Variants in ZNF430 observed in about 807,000 individuals in gnomAD.
The protein encoded by ZNF430 is zinc finger protein 430.
In ZNF430, 35 loss-of-function variants were observed where a neutral mutation model predicts 56.7. That is an observed-to-expected ratio of 0.62 (90% CI 0.47 to 0.82). The LOEUF (loss-of-function observed/expected upper bound fraction) is 0.82. Ranked by LOEUF, ZNF430 falls within the 40% of genes least tolerant of loss-of-function variation. The probability of loss-of-function intolerance (pLI) is 0.00; values close to 1 mark genes in which losing one functional copy is unlikely to be tolerated. For synonymous variants in ZNF430, 212 were observed against 224.3 expected (o/e 0.94, Z 0.49); for missense variants, 574 against 661.0 (o/e 0.87, Z 1.44).
chr19:21,021,687 A>G (rs1160171067), intron 1 of ZNF430, among the ~76,000 whole-genome samples: 1 of 152,060 alleles, frequency 6.6e-6, no homozygotes, highest in East Asian at 1.9e-4. Context: ...ACCGTTATGT[A>G]GTTTCTTAGT....
chr19:21,049,070 A>G (rs1447982416), intron 4 of ZNF430, among the ~76,000 whole-genome samples: 1 of 148,690 alleles, frequency 6.7e-6, no homozygotes, highest in Admixed American at 6.8e-5. Context: ...AGGACATCTG[A>G]GACTGAGGCA....
intron 4 of ZNF430, among the ~76,000 whole-genome samples, chr19:21,041,817 G>A (rs550168535): frequency 3.9e-5 from 6 of 152,242 alleles, no homozygotes; most frequent in South Asian, 4.1e-4. Context: ...TGGTTCAAGC[G>A]ATTCTCCTGC....
At chr19:21,026,096 T>G (rs1237457163) in intron 2 of ZNF430, 1 of 243,878 alleles carries the variant, frequency 4.1e-6, no homozygotes, top group Non-Finnish European at 8.0e-6. Flanking sequence ...ACCAGGATGG[T>G]CTCCGTCTCT....
intron 4 of ZNF430, among the ~76,000 whole-genome samples, chr19:21,041,012 T>C (rs748560368): frequency 2.0e-5 from 3 of 152,220 alleles, no homozygotes; most frequent in Non-Finnish European, 4.4e-5. Context: ...TATAGATTCT[T>C]TTCATTCTAT....
At position 21,056,309 on chromosome 19, in the gene ZNF430, C is replaced by T. The variant is rs1023281481; in HGVS notation, c.323-322C>T. On this transcript the variant is annotated intron_variant, in intron 4 of 4. Coordinates refer to ENST00000261560, the MANE Select transcript of ZNF430 (RefSeq NM_025189.4). ...TTCGAGACCAGACTGGCCAACATGG[C>T]GAAACCCCATCTCTACTAAAAATAC... 3.3e-5 allele frequency among the ~76,000 whole-genome samples: 5 copies of T among 151,896 alleles called. No homozygotes were observed. The South Asian group carries it at 6.2e-4, about 19-fold the overall frequency.
rs1968410886 is a variant in ZNF430, at chr19:21,057,935, T to C, written c.1627T>C (p.Cys543Arg). ...VIHTGEKPYN[C>R]EEYGKAFNQS... Reference sequence around the variant, plus strand: ...TCATACTGGAGAGAAACCCTACAACTGTGAAGAATACGGCAAAGCTTTCAA... The same window carrying C: ...TCATACTGGAGAGAAACCCTACAACCGTGAAGAATACGGCAAAGCTTTCAA... Residue 543 changes from cysteine (C) to arginine (R), a missense_variant, in exon 5 of 5, where the codon TGT (cysteine) becomes CGT (arginine). Coordinates refer to ENST00000261560, the MANE Select transcript of ZNF430 (RefSeq NM_025189.4). 1 of 1,613,566 alleles carries C rather than the reference T, an allele frequency of 6.2e-7. No individual in the cohort carries two copies. The highest frequency in any genetic ancestry group is 8.5e-7 in the Non-Finnish European group (1 of 1,179,838).
At chr19:21,038,221 C>T (rs1172082474) in intron 4 of ZNF430, among the ~76,000 whole-genome samples, 1 of 151,742 alleles carries the variant, frequency 6.6e-6, no homozygotes, top group African/African-American at 2.4e-5. Flanking sequence ...GTATATGATT[C>T]AAAGAAATGA....
chr19:21,044,198 G>T (rs374341575), intron 4 of ZNF430, among the ~76,000 whole-genome samples: 2 of 151,924 alleles, frequency 1.3e-5, no homozygotes, highest in Non-Finnish European at 2.9e-5. Flanking sequence ...TGCCCTTTCG[G>T]TATGATACTG....
chr19:21,028,778 C>G (rs1302570925), intron 2 of ZNF430, among the ~76,000 whole-genome samples: 1 of 152,096 alleles, frequency 6.6e-6, no homozygotes, highest in Non-Finnish European at 1.5e-5. Context: ...CTCCGCCTCC[C>G]GGGTTCAAGT....
Position 21,058,136 on chromosome 19 carries a change from A to G in ZNF430, c.*115A>G. ...ATGGCAAAGCCTTCAACAAGTCCTC[A>G]ATTCTTACCAGACATAAGATAATTC... is the stretch of plus-strand genomic sequence containing the variant. On this transcript the variant is annotated 3_prime_UTR_variant, in exon 5 of 5. Coordinates refer to ENST00000261560, the MANE Select transcript of ZNF430 (RefSeq NM_025189.4). The G allele has an allele frequency of 1.0e-6, 1 of 971,416 alleles. No individual in the cohort carries two copies. The highest frequency in any genetic ancestry group is 1.7e-5 in the South Asian group (1 of 57,722). 60.2% of individuals were successfully genotyped at this position (971,416 alleles called of 1,614,324 possible). A position where few individuals can be genotyped will look rare whatever the true frequency, so the allele number is the denominator to read the frequency against.
In ZNF430 at chr19:21,052,975, A is replaced by G. The variant is rs535552418; in HGVS notation, c.323-3656A>G. Among the ~76,000 whole-genome samples the G allele has an allele frequency of 2.0e-5, 3 of 152,166 alleles. No individual in the cohort carries two copies. In the East Asian group the frequency reaches 5.8e-4, roughly 29 times the overall value. ...CCTGGTTCCTCATAGGCTGACTACT[A>G]TTGGGTCACAGTCTTCCCAGATGTC... On this transcript the variant is annotated intron_variant, in intron 4 of 4. Coordinates refer to ENST00000261560, the MANE Select transcript of ZNF430 (RefSeq NM_025189.4).
chr19:21,056,554 T>C (rs187080608), intron 4 of ZNF430, 77 bp from the exon 5 acceptor site: 225 of 1,105,826 alleles, frequency 2.0e-4, no homozygotes, highest in Non-Finnish European at 2.6e-4. Flanking sequence ...GTTTGTATAA[T>C]TATATGGGTT....
rs1968398824 is a variant in ZNF430 at position 21,057,406 on chromosome 19, T to C, written c.1098T>C (p.Ile366=). 4 of 1,613,432 alleles carry C rather than the reference T, an allele frequency of 2.5e-6. No individual in the cohort carries two copies. In the East Asian group the frequency reaches 8.9e-5, roughly 36 times the overall value. The change falls in exon 5 of 5, where the codon ATT becomes ATC. Residue 366 remains isoleucine, a synonymous_variant. Coordinates refer to ENST00000261560, the MANE Select transcript of ZNF430 (RefSeq NM_025189.4). ...CAACCCTTACTACACATAAGATAAT[T>C]CATGCTGGAGAGAAACCTTACAAAT... The part of the protein sequence containing the change: ...QSSTLTTHKI[I]HAGEKPYKCE...
rs1458117726 is a variant in ZNF430, at chr19:21,058,959, G to A, written c.*938G>A. Reference sequence around the variant, plus strand: ...TCACAGATTTTATTGTACACATTTTGTACTAGAAGAAAACTCTGAAGTAGT... The same window carrying A: ...TCACAGATTTTATTGTACACATTTTATACTAGAAGAAAACTCTGAAGTAGT... On this transcript the variant is annotated 3_prime_UTR_variant, in exon 5 of 5. Transcript: ENST00000261560. 4 of 152,144 alleles carry A rather than the reference G, an allele frequency of 2.6e-5. No homozygotes were observed. Among genetic ancestry groups the A allele is most frequent in the Non-Finnish European group, 5.9e-5 (4 of 68,010 alleles). The allele number at this position is 152,144 out of a possible 1,614,324, so 9.4% of individuals were successfully genotyped here.
intron 4 of ZNF430, among the ~76,000 whole-genome samples, chr19:21,053,213 C>T (rs1251441284): frequency 6.6e-6 from 1 of 151,694 alleles, no homozygotes; most frequent in Non-Finnish European, 1.5e-5. Flanking sequence ...TTGCGGGGAC[C>T]CTGACCTATA....
chr19:21,046,403 A>G (rs1412332635), intron 4 of ZNF430, among the ~76,000 whole-genome samples: 2 of 151,804 alleles, frequency 1.3e-5, no homozygotes, highest in African/African-American at 4.8e-5. Flanking sequence ...GTTATTTTGA[A>G]GACTCTTTGA....
chr19:21,048,490 T>C lies in ZNF430; in HGVS notation c.323-8141T>C, dbSNP rs1461659140. Among the ~76,000 whole-genome samples, 5 of 152,056 alleles carry C rather than the reference T, an allele frequency of 3.3e-5. No homozygotes were observed. The South Asian group carries it at 6.2e-4, about 19-fold the overall frequency. On this transcript the variant is annotated intron_variant, in intron 4 of 4. Coordinates refer to ENST00000261560, the MANE Select transcript of ZNF430 (RefSeq NM_025189.4). ...GACACAGTACATGTTTTAGAGAGCATGGGGTTGGGGGTAAGGTTATAGATT... is the reference window on the plus strand; with the variant it reads ...GACACAGTACATGTTTTAGAGAGCACGGGGTTGGGGGTAAGGTTATAGATT...
chr19:21,034,543 T>C lies in ZNF430; in HGVS notation c.322+359T>C, dbSNP rs960271606. 868 of 155,258 alleles carry C rather than the reference T, an allele frequency of 5.6e-3. 3 individuals are homozygous for C. Among genetic ancestry groups the C allele is most frequent in the South Asian group, 0.014 (72 of 5,070 alleles). The allele number at this position is 155,258 out of a possible 1,614,324, so 9.6% of individuals were successfully genotyped here. On this transcript the variant is annotated intron_variant, in intron 4 of 4. Transcript: ENST00000261560. ...ATTTTCTTTTCTTTTTTCTTTCTTT[T>C]TTTTTTTTTTTGAGACTGAGTTTCA...
At chr19:21,049,502 C>T (rs1398281513) in intron 4 of ZNF430, 1 of 151,980 alleles carries the variant, frequency 6.6e-6, no homozygotes, top group African/African-American at 2.4e-5. Flanking sequence ...TGTTTATATG[C>T]AGAGTCTGTG....
Sources: gnomAD v4.1 joint callset for allele counts (sites outside exome capture counted in the v4.1 genomes callset) on GRCh38, gnomAD v4.1.1 for gene constraint, MANE v1.5 for transcripts, NCBI Gene and HGNC (gene_info 2026-07-23, HGNC 2026-07-21) for gene names.